Variants in CHSY3 observed in about 807,000 individuals in gnomAD.
CHSY3 encodes chondroitin sulfate synthase 3.
CHSY3 carries 35 observed loss-of-function variants against 67.2 expected under a neutral mutation model. That is an observed-to-expected ratio of 0.52 (90% CI 0.40 to 0.69). The LOEUF is 0.69. Ranked by LOEUF, CHSY3 falls within the 30% of genes least tolerant of loss-of-function variation. The pLI is 0.00. For synonymous variants in CHSY3, 474 were observed against 434.7 expected, an observed-to-expected ratio of 1.09 and a Z score of -1.12; for missense variants, 1,069 against 1,138.5, an observed-to-expected ratio of 0.94 and a Z score of 0.88.
chr5:130,022,255 C>T lies in CHSY3; in HGVS notation c.1086+113895C>T, dbSNP rs73785858. Reference sequence around the variant, plus strand: ...ATGGCAATTATTGAACTTTAATTTTCATGTGTTTGTGAGTCACACTATTCT... The same window carrying T: ...ATGGCAATTATTGAACTTTAATTTTTATGTGTTTGTGAGTCACACTATTCT... On this transcript the variant is annotated intron_variant, in intron 2 of 2. Transcript: ENST00000305031. 7.3e-3 allele frequency among the ~76,000 whole-genome samples: 1,110 copies of T among 152,082 alleles called. 12 individuals carry two copies. The highest frequency in any genetic ancestry group is 0.025 in the African/African-American group (1,053 of 41,532).
intron 2 of CHSY3, among the ~76,000 whole-genome samples, chr5:129,943,626 C>G (rs1167583789): frequency 6.6e-6 from 1 of 152,022 alleles, no homozygotes; most frequent in Non-Finnish European, 1.5e-5. Flanking sequence ...TCCCTTTAAA[C>G]GTATTTCGTA....
intron 2 of CHSY3, among the ~76,000 whole-genome samples, chr5:129,988,679 T>C (rs756932926): frequency 5.9e-5 from 9 of 152,374 alleles, no homozygotes; most frequent in African/African-American, 1.9e-4. Context: ...CTGTCACTTA[T>C]GTGAGTCAGT....
At chr5:130,032,825 A>C (rs1029498927) in intron 2 of CHSY3, among the ~76,000 whole-genome samples, 7 of 152,166 alleles carry the variant, frequency 4.6e-5, no homozygotes, top group African/African-American at 1.7e-4. Context: ...CACCATTAAC[A>C]CCTGTGAAAG....
chr5:130,108,921 T>C (rs79427412), intron 2 of CHSY3, among the ~76,000 whole-genome samples: 482 of 151,862 alleles, frequency 3.2e-3, no homozygotes, highest in African/African-American at 0.011. Context: ...TTTTATATTT[T>C]GTATAACATT....
intron 2 of CHSY3, among the ~76,000 whole-genome samples, chr5:130,161,719 G>C (rs190778571): frequency 1.3e-3 from 200 of 152,062 alleles, no homozygotes; most frequent in Middle Eastern, 3.4e-3. Flanking sequence ...TTTAATGTTT[G>C]ACTTCTTCAC....
intron 2 of CHSY3, among the ~76,000 whole-genome samples, chr5:129,936,597 C>T (rs954309456): frequency 2.0e-5 from 3 of 152,094 alleles, no homozygotes; most frequent in Non-Finnish European, 2.9e-5. Flanking sequence ...GCAGCTGGGT[C>T]TGATGTGGAG....
At position 130,140,862 on chromosome 5, in the gene CHSY3, C is replaced by G. The variant is rs144858709; in HGVS notation, c.1087-43367C>G. 325 of 303,282 alleles carry G rather than the reference C, an allele frequency of 1.1e-3. 1 individual carries two copies. Among genetic ancestry groups the G allele is most frequent in the African/African-American group, 6.6e-3 (296 of 44,804 alleles). The allele number at this position is 303,282 out of a possible 1,614,324, so 18.8% of individuals were successfully genotyped here. On this transcript the variant is annotated intron_variant, in intron 2 of 2. Coordinates refer to ENST00000305031, the MANE Select transcript of CHSY3 (RefSeq NM_175856.5). ...CATATTCTCTCTTCCAGCACCCAGG[C>G]CAGTATTGAGATCTATTTTCTCTTT...
At chr5:130,029,716 T>C (rs2149659157) in intron 2 of CHSY3, among the ~76,000 whole-genome samples, 1 of 152,292 alleles carries the variant, frequency 6.6e-6, no homozygotes, top group Admixed American at 6.5e-5. Context: ...TAACATATTG[T>C]TTTATATCTA....
chr5:130,173,427 A>G (rs376087091), intron 2 of CHSY3, among the ~76,000 whole-genome samples: 166 of 152,290 alleles, frequency 1.1e-3, no homozygotes, highest in African/African-American at 3.7e-3. Context: ...CAACCAGGAT[A>G]TGGATATAAT....
chr5:130,031,450 T>C (rs192056522), intron 2 of CHSY3, among the ~76,000 whole-genome samples: 4 of 152,268 alleles, frequency 2.6e-5, no homozygotes, highest in Non-Finnish European at 4.4e-5. Flanking sequence ...CCAGATTAAC[T>C]TTCTACTGTT....
intron 2 of CHSY3, among the ~76,000 whole-genome samples, chr5:129,939,955 A>G (rs1028993092): frequency 6.6e-6 from 1 of 152,192 alleles, no homozygotes; most frequent in Non-Finnish European, 1.5e-5. Flanking sequence ...TATCTGAGTT[A>G]TAGGACTGTT....
intron 2 of CHSY3, among the ~76,000 whole-genome samples, chr5:130,098,365 C>A (rs62393169): frequency 0.058 from 8,849 of 152,276 alleles, 377 homozygotes; most frequent in Non-Finnish European, 0.084. Context: ...TTATTGATAT[C>A]TGCCAAACCT....
Position 130,130,164 on chromosome 5 carries a change from A to C in CHSY3, c.1087-54065A>C, listed in dbSNP as rs551272993. On this transcript the variant is annotated intron_variant, in intron 2 of 2. Coordinates refer to ENST00000305031, the MANE Select transcript of CHSY3 (RefSeq NM_175856.5). ...TATATATTTTTAATTTGCATGATTT[A>C]ATTTTTAAAGGTACTACTGCCAGTA... Among the ~76,000 whole-genome samples, 4 of 152,222 alleles carry C rather than the reference A, an allele frequency of 2.6e-5. No homozygotes were observed. The South Asian group carries it at 8.3e-4, about 32-fold the overall frequency.
At chr5:129,952,151 G>A (rs1331153429) in intron 2 of CHSY3, among the ~76,000 whole-genome samples, 2 of 152,184 alleles carry the variant, frequency 1.3e-5, no homozygotes, top group African/African-American at 2.4e-5. Context: ...GATGTTGGAG[G>A]AAGAGTGGAG....
intron 2 of CHSY3, among the ~76,000 whole-genome samples, chr5:130,025,178 G>T (rs1764505724): frequency 6.6e-6 from 1 of 152,058 alleles, no homozygotes; most frequent in African/African-American, 2.4e-5. Context: ...CCCTTAATTT[G>T]GCTTTGTATG....
chr5:130,024,154 AG>A (rs1229662868), intron 2 of CHSY3, among the ~76,000 whole-genome samples: 1 of 150,614 alleles, frequency 6.6e-6, no homozygotes, highest in African/African-American at 2.4e-5. Flanking sequence ...AAAAAAAAAA[AG>A]CCTGTCTTGC....
intron 2 of CHSY3, among the ~76,000 whole-genome samples, chr5:130,116,847 T>G (rs1767822582): frequency 7.0e-6 from 1 of 143,486 alleles, no homozygotes; most frequent in South Asian, 2.3e-4. Flanking sequence ...AAATTGCCTT[T>G]CAGCTCTAGC....
intron 2 of CHSY3, among the ~76,000 whole-genome samples, chr5:130,149,226 T>G (rs898542821): frequency 2.0e-5 from 3 of 152,304 alleles, no homozygotes; most frequent in African/African-American, 7.2e-5. Context: ...GTACCAATTT[T>G]CTGTATTAGG....
intron 2 of CHSY3, among the ~76,000 whole-genome samples, chr5:129,921,432 C>G (rs1271346623): frequency 6.6e-6 from 1 of 152,146 alleles, no homozygotes; most frequent in Non-Finnish European, 1.5e-5. Context: ...CAGGATGGAA[C>G]AAGATGACTC....
Sources: gnomAD v4.1 joint callset for allele counts (sites outside exome capture counted in the v4.1 genomes callset) on GRCh38, gnomAD v4.1.1 for gene constraint, MANE v1.5 for transcripts, NCBI Gene and HGNC (gene_info 2026-07-23, HGNC 2026-07-21) for gene names.